MED12L: variants seen among roughly 807,000 people sequenced by gnomAD.
The protein encoded by MED12L is mediator complex subunit 12L.
In MED12L, 60 loss-of-function variants were observed where a neutral mutation model predicts 281.3. That is an observed-to-expected ratio of 0.21 (90% confidence interval 0.17 to 0.26). The LOEUF is 0.26. MED12L is among the 10% of genes least tolerant of loss of function. The pLI is 1.00. For missense variants in MED12L, 2,146 were observed against 2,680.9 expected (o/e 0.80, Z 4.41); for synonymous variants, 974 against 987.2 (o/e 0.99, Z 0.25).
intron 16 of MED12L, among the ~76,000 whole-genome samples, chr3:151,250,887 G>T (rs1472991832): frequency 6.6e-6 from 1 of 152,186 alleles, no homozygotes; most frequent in East Asian, 1.9e-4. Flanking sequence ...CCCACCAACA[G>T]TGCACAAAGG....
At chr3:151,198,348 T>C (rs1291775290) in intron 16 of MED12L, 1 of 1,094,016 alleles carries the variant, frequency 9.1e-7, no homozygotes, top group Admixed American at 2.7e-5. Flanking sequence ...TTTTGTTTTT[T>C]TTTTTTTTAT....
chr3:151,283,840 AATC>A (rs1197209372), intron 16 of MED12L, among the ~76,000 whole-genome samples: 3 of 152,258 alleles, frequency 2.0e-5, no homozygotes, highest in Admixed American at 6.5e-5. Context: ...AAGTGTATTA[AATC>A]ATCTAATCAC....
At chr3:151,186,563 G>C (rs1723313335) in intron 12 of MED12L, among the ~76,000 whole-genome samples, 1 of 152,120 alleles carries the variant, frequency 6.6e-6, no homozygotes, top group African/African-American at 2.4e-5. Context: ...CTCTGCTCTT[G>C]TTGTTCCTTC....
In MED12L at chr3:151,085,820, A is replaced by T. The variant is rs1719083438; in HGVS notation, c.-246A>T. Reference sequence around the variant, plus strand: ...CCCGGAGCTCGTCCGGGCGAGGCAGATACCGCACAAATAAAATCAAATCCA... The same window carrying T: ...CCCGGAGCTCGTCCGGGCGAGGCAGTTACCGCACAAATAAAATCAAATCCA... On this transcript the variant is annotated 5_prime_UTR_variant, in exon 1 of 45. Transcript: ENST00000687756. 1 of 152,016 alleles carries T rather than the reference A, an allele frequency of 6.6e-6. No individual in the cohort carries two copies. Among genetic ancestry groups the T allele is most frequent in the Non-Finnish European group, 1.5e-5 (1 of 67,968 alleles). The allele number at this position is 152,016 out of a possible 1,614,324, so 9.4% of individuals were successfully genotyped here.
intron 39 of MED12L, 123 bp downstream of exon 39, chr3:151,394,990 G>A: frequency 8.0e-7 from 1 of 1,243,044 alleles, no homozygotes. Flanking sequence ...TGTGAGTGCA[G>A]GTCTATCTCT....
chr3:151,152,498 G>T (rs1177045559), intron 5 of MED12L, among the ~76,000 whole-genome samples: 1 of 152,092 alleles, frequency 6.6e-6, no homozygotes, highest in Non-Finnish European at 1.5e-5. Flanking sequence ...TGTTAACTCA[G>T]CTGAGGCAGA....
Position 151,416,363 on chromosome 3 carries a change from T to G in MED12L, c.6349T>G (p.Ser2117Ala). 1.3e-6 allele frequency: 2 copies of G among 1,555,254 alleles called. No individual in the cohort carries two copies. Among genetic ancestry groups the G allele is most frequent in the South Asian group, 2.2e-5 (2 of 90,004 alleles). The change falls in exon 43 of 45, where the codon TCC (serine) becomes GCC (alanine). Residue 2117 changes from serine to alanine, a missense_variant. By Grantham distance (99) the Ser-to-Ala change is moderately conservative. Around this residue, in one of 9 missense-constraint regions of MED12L, gnomAD observed 496 missense variants for 512.0 expected, o/e 0.97. Transcript: ENST00000687756. Reference protein sequence around the residue: ...QPQQPPQPQQSSQSQSQTLGL... With the variant: ...QPQQPPQPQQASQSQSQTLGL... Reference sequence around the variant, plus strand: ...CCAGCAGCCTCCCCAGCCCCAGCAGTCCTCGCAGTCCCAGAGTCAGACCCT... The same window carrying G: ...CCAGCAGCCTCCCCAGCCCCAGCAGGCCTCGCAGTCCCAGAGTCAGACCCT...
intron 5 of MED12L, among the ~76,000 whole-genome samples, chr3:151,130,106 G>T (rs1446487997): frequency 6.6e-6 from 1 of 152,036 alleles, no homozygotes; most frequent in East Asian, 1.9e-4. Context: ...CCAGGACCTG[G>T]ATATCCAATT....
At chr3:151,219,431 T>C (rs1013011073) in intron 16 of MED12L, 3 of 152,204 alleles carry the variant, frequency 2.0e-5, no homozygotes, top group Non-Finnish European at 4.4e-5. Context: ...ACCTTCCTAA[T>C]TGTGAGCTGT....
chr3:151,106,899 GTC>G (rs956005858), intron 2 of MED12L, among the ~76,000 whole-genome samples: 3 of 152,020 alleles, frequency 2.0e-5, no homozygotes, highest in African/African-American at 7.2e-5. Context: ...CAACTTATCT[GTC>G]TCTATATTTA....
chr3:151,359,386 A>G (rs1372903129), intron 20 of MED12L, among the ~76,000 whole-genome samples: 1 of 152,140 alleles, frequency 6.6e-6, no homozygotes, highest in African/African-American at 2.4e-5. Context: ...GCTGCTAGGT[A>G]GTCCCATCTG....
intron 11 of MED12L, among the ~76,000 whole-genome samples, chr3:151,181,576 CTTT>C (rs57658133): frequency 0.012 from 572 of 47,094 alleles, 1 homozygote; most frequent in South Asian, 0.096. Flanking sequence ...AGCTCATTGT[CTTT>C]TTTTTTTTTT....
Position 151,430,292 on chromosome 3 carries a change from A to G in MED12L, c.6409-7A>G. ...GATTTCTGTCCTTTCTCCTGTCGCC[A>G]TTACAGTTTCCCAGGCAAGGCTTGC... On this transcript the variant is annotated splice_region_variant and splice_polypyrimidine_tract_variant and intron_variant, in intron 43 of 44. Transcript: ENST00000687756. 3 of 1,614,048 alleles carry G rather than the reference A, an allele frequency of 1.9e-6. No individual in the cohort carries two copies. The highest frequency in any genetic ancestry group is 2.5e-6 in the Non-Finnish European group (3 of 1,179,976).
intron 16 of MED12L, chr3:151,316,718 A>G (rs1748301217): frequency 6.6e-6 from 1 of 152,212 alleles, no homozygotes; most frequent in Non-Finnish European, 1.5e-5. Context: ...GTAAAGCATG[A>G]AAACGAAACA....
intron 16 of MED12L, among the ~76,000 whole-genome samples, chr3:151,194,123 G>T (rs745378223): frequency 6.6e-6 from 1 of 151,772 alleles, no homozygotes; most frequent in Non-Finnish European, 1.5e-5. Flanking sequence ...CTGCCACCAC[G>T]CCTGGCTAAT....
At chr3:151,348,786 G>A (rs1752883093) in intron 16 of MED12L, among the ~76,000 whole-genome samples, 1 of 152,200 alleles carries the variant, frequency 6.6e-6, no homozygotes, top group South Asian at 2.1e-4. Context: ...ATTGGAGAGA[G>A]AAAAACAGGC....
chr3:151,191,335 A>G (rs1027129115), intron 14 of MED12L, among the ~76,000 whole-genome samples: 1 of 152,176 alleles, frequency 6.6e-6, no homozygotes, highest in South Asian at 2.1e-4. Flanking sequence ...TTCATTACTT[A>G]TATCACTCTT....
At chr3:151,141,180 TTTTTTTG>T (rs1274724314) in intron 5 of MED12L, among the ~76,000 whole-genome samples, 2 of 119,240 alleles carry the variant, frequency 1.7e-5, no homozygotes, top group African/African-American at 4.0e-5. Context: ...TTTTTTTTGT[TTTTTTTG>T]TTTTTTTTTT....
intron 21 of MED12L, 126 bp downstream of exon 21, chr3:151,360,731 T>C (rs1259466506): frequency 1.2e-6 from 1 of 810,470 alleles, no homozygotes; most frequent in Non-Finnish European, 2.0e-6. Flanking sequence ...GGCAGTAATT[T>C]TGATATACTC....
Sources: gnomAD v4.1 joint callset for allele counts (sites outside exome capture counted in the v4.1 genomes callset) on GRCh38, gnomAD v4.1.1 for gene constraint, gnomAD v4.1.1 regional missense constraint, MANE v1.5 for transcripts, NCBI Gene and HGNC (gene_info 2026-07-23, HGNC 2026-07-21) for gene names.